Variants in PRRG1 observed in about 807,000 individuals in gnomAD.
PRRG1 encodes the protein proline rich and Gla domain 1, also known as transmembrane gamma-carboxyglutamic acid protein 1.
PRRG1 carries 5 observed loss-of-function variants against 11.8 expected under a neutral mutation model. That is an observed-to-expected ratio of 0.42 (90% CI 0.22 to 0.89). The LOEUF (loss-of-function observed/expected upper bound fraction) is 0.89, where lower values mean the gene tolerates loss of function less well. Ranked by LOEUF, PRRG1 falls within the 40% of genes least tolerant of loss-of-function variation. The pLI, the probability that PRRG1 is intolerant of heterozygous loss-of-function variation, is 0.28. For synonymous variants in PRRG1, 66 were observed against 60.4 expected (o/e 1.09, Z -0.43); for missense variants, 155 against 166.1 (o/e 0.93, Z 0.37).
chrX:37,386,156 T>C, intron 1 of PRRG1, among the ~76,000 whole-genome samples: 1 of 112,461 alleles, frequency 8.9e-6, no homozygotes, highest in East Asian at 2.8e-4. Flanking sequence ...GATAACATTT[T>C]ATATATGTAT....
intron 2 of PRRG1, among the ~76,000 whole-genome samples, chrX:37,417,815 G>A (rs934009007): frequency 4.5e-5 from 5 of 111,936 alleles, no homozygotes; most frequent in African/African-American, 1.6e-4. Context: ...TTATGAGTTT[G>A]ACACTTCATA....
intron 1 of PRRG1, among the ~76,000 whole-genome samples, chrX:37,395,396 C>T (rs181264080): frequency 2.7e-4 from 30 of 111,320 alleles, no homozygotes; most frequent in African/African-American, 9.1e-4. Flanking sequence ...GGGCGAATCA[C>T]GAGGTCAGGA....
At chrX:37,441,074 A>G (rs1556393554) in intron 3 of PRRG1, 14 of 939,827 alleles carry the variant, frequency 1.5e-5, no homozygotes, top group Non-Finnish European at 1.8e-5. Context: ...CCGGCCATCT[A>G]TTTTAAAATA....
intron 2 of PRRG1, among the ~76,000 whole-genome samples, chrX:37,412,753 A>T (rs1932383152): frequency 9.0e-6 from 1 of 110,992 alleles, no homozygotes; most frequent in South Asian, 3.8e-4. Context: ...ATAGTGCTTG[A>T]TGCTTTTTGT....
chrX:37,403,178 C>A (rs1298613571), intron 1 of PRRG1, among the ~76,000 whole-genome samples: 3 of 109,703 alleles, frequency 2.7e-5, no homozygotes, highest in Non-Finnish European at 5.7e-5. Context: ...GACACATGCA[C>A]ACGTATGTTT....
intron 1 of PRRG1, among the ~76,000 whole-genome samples, chrX:37,366,706 C>T (rs1291785827): frequency 6.3e-5 from 7 of 111,780 alleles, no homozygotes; most frequent in Non-Finnish European, 1.3e-4. Flanking sequence ...GGGACTCTTA[C>T]TGACCAAACA....
At chrX:37,403,678 T>TAAAATA in intron 1 of PRRG1, 1 of 522,393 alleles carries the variant, frequency 1.9e-6, no homozygotes, top group African/African-American at 2.7e-5. Flanking sequence ...TAAAATAAAA[T>TAAAATA]GAATCTTAAC....
chrX:37,422,058 A>T (rs1369775457), intron 2 of PRRG1, among the ~76,000 whole-genome samples: 1 of 111,727 alleles, frequency 9.0e-6, no homozygotes, highest in African/African-American at 3.3e-5. Flanking sequence ...CTTGGATTAG[A>T]AGCTTTGTGT....
intron 1 of PRRG1, among the ~76,000 whole-genome samples, chrX:37,398,262 G>A (rs932016314): frequency 1.8e-5 from 2 of 110,801 alleles, no homozygotes; most frequent in Non-Finnish European, 3.8e-5. Flanking sequence ...TCACACGGCC[G>A]GGTACTCCTC....
chrX:37,406,169 C>CT, intron 1 of PRRG1, 40 bp from the exon 2 acceptor site: 1 of 1,178,033 alleles, frequency 8.5e-7, no homozygotes, highest in Non-Finnish European at 1.2e-6. Context: ...CACTCAGCCT[C>CT]TATCAATCTG....
At chrX:37,450,049 A>G (rs374721142) in intron 3 of PRRG1, among the ~76,000 whole-genome samples, 2 of 112,740 alleles carry the variant, frequency 1.8e-5, no homozygotes, top group African/African-American at 3.2e-5. Flanking sequence ...TATTCAGATC[A>G]TTGTTACCTT....
intron 1 of PRRG1, among the ~76,000 whole-genome samples, chrX:37,401,529 T>C (rs1250031277): frequency 1.8e-5 from 2 of 109,775 alleles, no homozygotes; most frequent in Admixed American, 9.7e-5. Flanking sequence ...GCCAATATCA[T>C]ACTGAATGGG....
intron 1 of PRRG1, among the ~76,000 whole-genome samples, chrX:37,368,808 C>G (rs1429366812): frequency 9.1e-6 from 1 of 110,167 alleles, no homozygotes; most frequent in African/African-American, 3.3e-5. Flanking sequence ...CCTATTGATA[C>G]TCTAGCTATT....
intron 1 of PRRG1, among the ~76,000 whole-genome samples, chrX:37,404,721 T>G (rs907317505): frequency 3.6e-5 from 4 of 111,554 alleles, no homozygotes; most frequent in Admixed American, 9.5e-5. Context: ...CATAAAATTT[T>G]TTGAGGGCTG....
chrX:37,452,101 T>G (rs782614205), intron 3 of PRRG1, among the ~76,000 whole-genome samples: 2 of 112,420 alleles, frequency 1.8e-5, no homozygotes, highest in South Asian at 7.5e-4. Context: ...TAAACATGAT[T>G]GTAAGAAAAG....
At chrX:37,442,549 G>C (rs964656607) in intron 3 of PRRG1, among the ~76,000 whole-genome samples, 31 of 111,411 alleles carry the variant, frequency 2.8e-4, no homozygotes, top group African/African-American at 1.0e-3. Flanking sequence ...CATGTACATG[G>C]TACAGTGTAA....
At chrX:37,384,573 C>T (rs1243289235) in intron 1 of PRRG1, among the ~76,000 whole-genome samples, 1 of 111,618 alleles carries the variant, frequency 9.0e-6, no homozygotes, top group African/African-American at 3.3e-5. Flanking sequence ...CTCTTATTTT[C>T]ACAATATTAT....
intron 3 of PRRG1, among the ~76,000 whole-genome samples, chrX:37,446,340 G>A (rs1333486016): frequency 1.8e-5 from 2 of 111,519 alleles, no homozygotes; most frequent in African/African-American, 6.5e-5. Flanking sequence ...GTCTACACAG[G>A]TTCCTAAACT....
At position 37,428,079 on chromosome X, in the gene PRRG1, A is replaced by T. The variant is rs781992050; in HGVS notation, c.171+2079A>T. ...AGCACGGGAAAGACTGGCCCCCATA[A>T]TTCAATTACCTCCCCCTGGGTCTCT... On this transcript the variant is annotated intron_variant, in intron 3 of 3. Coordinates refer to ENST00000378628, the MANE Select transcript of PRRG1 (RefSeq NM_001142395.2). Among the ~76,000 whole-genome samples, 4 of 111,097 alleles carry T rather than the reference A, an allele frequency of 3.6e-5. No homozygotes were observed. The East Asian group carries it at 1.1e-3, about 32-fold the overall frequency.
Sources: allele counts gnomAD v4.1 joint callset (sites outside exome capture counted in the v4.1 genomes callset), GRCh38; gene constraint gnomAD v4.1.1; transcripts MANE v1.5; gene names NCBI Gene and HGNC (gene_info 2026-07-23, HGNC 2026-07-21).